ATP6V1H: variants seen among roughly 807,000 people sequenced by gnomAD.
ATP6V1H encodes V-type proton ATPase subunit H.
ATP6V1H carries 39 observed loss-of-function variants against 71.7 expected under a neutral mutation model. The observed-to-expected ratio is 0.54, with a 90% CI of 0.42 to 0.71. The LOEUF (loss-of-function observed/expected upper bound fraction) is 0.71. ATP6V1H is among the 30% of genes least tolerant of loss of function. The pLI is 0.00. For missense variants in ATP6V1H, 509 were observed against 594.9 expected (o/e 0.86, Z 1.50); for synonymous variants, 192 against 199.3 (o/e 0.96, Z 0.31).
At chr8:53,795,264 T>C (rs1563470357) in intron 9 of ATP6V1H, among the ~76,000 whole-genome samples, 6 of 152,174 alleles carry the variant, frequency 3.9e-5, no homozygotes. Flanking sequence ...GCCTCAAAAA[T>C]GTACTCCAGT....
chr8:53,732,447 A>G (rs1267089388), intron 13 of ATP6V1H, among the ~76,000 whole-genome samples: 1 of 152,168 alleles, frequency 6.6e-6, no homozygotes, highest in African/African-American at 2.4e-5. Flanking sequence ...CACAGGTGAG[A>G]ACTCTCTGTG....
intron 1 of ATP6V1H, 94 bp from the exon 2 acceptor site, chr8:53,841,819 A>G: frequency 8.5e-7 from 1 of 1,178,694 alleles, no homozygotes; most frequent in Non-Finnish European, 1.2e-6. Context: ...GATCACTTTA[A>G]TCTCCCCAGG....
intron 8 of ATP6V1H, among the ~76,000 whole-genome samples, chr8:53,800,549 T>C (rs567969479): frequency 2.6e-5 from 4 of 152,304 alleles, no homozygotes; most frequent in African/African-American, 7.2e-5. Flanking sequence ...TAAATGCATT[T>C]ACTCAAACTC....
At chr8:53,771,904 A>G in intron 10 of ATP6V1H, 85 bp downstream of exon 10, 2 of 1,264,124 alleles carry the variant, frequency 1.6e-6, no homozygotes, top group Non-Finnish European at 2.2e-6. Context: ...ATAGGTGACA[A>G]CAAATTCAGG....
intron 13 of ATP6V1H, among the ~76,000 whole-genome samples, chr8:53,737,163 G>A (rs372484260): frequency 6.6e-6 from 1 of 152,220 alleles, no homozygotes; most frequent in Non-Finnish European, 1.5e-5. Context: ...GCTCCCAGCC[G>A]AATACAGCCA....
chr8:53,781,402 T>A (rs900049120), intron 9 of ATP6V1H, among the ~76,000 whole-genome samples: 3 of 152,246 alleles, frequency 2.0e-5, no homozygotes, highest in African/African-American at 4.8e-5. Context: ...GTTTTTTTCT[T>A]GCAAATTTGT....
intron 13 of ATP6V1H, among the ~76,000 whole-genome samples, chr8:53,734,187 A>G (rs1807120681): frequency 6.6e-6 from 1 of 152,208 alleles, no homozygotes; most frequent in Non-Finnish European, 1.5e-5. Flanking sequence ...ATCCCCACAT[A>G]ACCATTGAAG....
At chr8:53,825,928 T>C (rs1810811863) in intron 4 of ATP6V1H, among the ~76,000 whole-genome samples, 1 of 152,124 alleles carries the variant, frequency 6.6e-6, no homozygotes, top group African/African-American at 2.4e-5. Context: ...TAAATTGTTT[T>C]ACCCTGTGAA....
intron 13 of ATP6V1H, among the ~76,000 whole-genome samples, chr8:53,726,965 CATGAATTGGACACCTCACCCCACCTCTG>C (rs1485035378): frequency 2.6e-5 from 4 of 152,228 alleles, no homozygotes; most frequent in African/African-American, 9.6e-5. Flanking sequence ...ACTTATTCGG[CATGAATTGGACACCTCACCCCACCTCTG>C]AATTAGCAAT....
chr8:53,824,908 G>C (rs1810780187), intron 4 of ATP6V1H, among the ~76,000 whole-genome samples: 1 of 151,666 alleles, frequency 6.6e-6, no homozygotes, highest in Non-Finnish European at 1.5e-5. Flanking sequence ...TCAAATAAAA[G>C]AATTCACTAA....
At chr8:53,758,094 G>A (rs942676053) in intron 11 of ATP6V1H, among the ~76,000 whole-genome samples, 7 of 152,080 alleles carry the variant, frequency 4.6e-5, no homozygotes, top group Non-Finnish European at 8.8e-5. Flanking sequence ...GACATATTCA[G>A]TTTTTCATAT....
At chr8:53,828,642 TC>T (rs1368961706) in intron 4 of ATP6V1H, among the ~76,000 whole-genome samples, 1 of 152,170 alleles carries the variant, frequency 6.6e-6, no homozygotes, top group Non-Finnish European at 1.5e-5. Flanking sequence ...ATCACTAGAT[TC>T]CTATAAAGGA....
At chr8:53,781,345 A>G (rs536813886) in intron 9 of ATP6V1H, among the ~76,000 whole-genome samples, 1 of 152,258 alleles carries the variant, frequency 6.6e-6, no homozygotes, top group East Asian at 1.9e-4. Flanking sequence ...TCTTCTTTTC[A>G]GAAGTGTCTG....
intron 9 of ATP6V1H, among the ~76,000 whole-genome samples, chr8:53,785,395 C>A (rs1346395835): frequency 6.6e-6 from 1 of 152,188 alleles, no homozygotes; most frequent in African/African-American, 2.4e-5. Context: ...CCATCAGGTC[C>A]TTTAAGGACT....
intron 13 of ATP6V1H, among the ~76,000 whole-genome samples, chr8:53,724,767 T>C (rs1806750681): frequency 6.6e-6 from 1 of 151,716 alleles, no homozygotes; most frequent in African/African-American, 2.4e-5. Context: ...GTATTTGGGG[T>C]TTCTGTTACA....
chr8:53,743,733 C>G (rs1353926107), intron 12 of ATP6V1H, 43 bp from the exon 13 acceptor site: 3 of 1,409,882 alleles, frequency 2.1e-6, no homozygotes, highest in Non-Finnish European at 3.0e-6. Context: ...CAATTACTCT[C>G]AAATTCACAG....
At chr8:53,755,310 T>C (rs563943984) in intron 12 of ATP6V1H, among the ~76,000 whole-genome samples, 2 of 152,204 alleles carry the variant, frequency 1.3e-5, no homozygotes, top group African/African-American at 4.8e-5. Context: ...AATAGCTAAC[T>C]TCACTATTTT....
intron 13 of ATP6V1H, among the ~76,000 whole-genome samples, chr8:53,734,236 T>C (rs1334601479): frequency 6.6e-6 from 1 of 152,188 alleles, no homozygotes; most frequent in Non-Finnish European, 1.5e-5. Flanking sequence ...GCTCTCAGTA[T>C]CAGAAAGCCC....
intron 11 of ATP6V1H, among the ~76,000 whole-genome samples, chr8:53,758,630 T>C (rs961698531): frequency 2.6e-5 from 4 of 152,252 alleles, no homozygotes; most frequent in African/African-American, 9.6e-5. Context: ...AAGTTGAATC[T>C]ATGCTCCCAG....
Sources: gnomAD v4.1 joint callset for allele counts (sites outside exome capture counted in the v4.1 genomes callset) on GRCh38, gnomAD v4.1.1 for gene constraint, MANE v1.5 for transcripts, NCBI Gene and HGNC (gene_info 2026-07-23, HGNC 2026-07-21) for gene names.